GALNT17: variants seen among roughly 807,000 people sequenced by gnomAD.
The protein encoded by GALNT17 is UDP-GalNAc:polypeptide N-acetylgalactosaminyltransferase-like 3.
GALNT17 carries 29 observed loss-of-function variants against 63.7 expected under a neutral mutation model. The observed-to-expected ratio is 0.46, with a 90% confidence interval of 0.34 to 0.62. The LOEUF (loss-of-function observed/expected upper bound fraction) is 0.62, where lower values mean the gene tolerates loss of function less well. GALNT17 is among the 20% of genes least tolerant of loss of function. The pLI, the probability that GALNT17 is intolerant of heterozygous loss-of-function variation, is 0.01. For synonymous variants in GALNT17, 305 were observed against 318.3 expected (o/e 0.96, Z 0.45); for missense variants, 603 against 799.6 (o/e 0.75, Z 2.97).
intron 1 of GALNT17, among the ~76,000 whole-genome samples, chr7:71,228,991 A>G (rs1234561718): frequency 6.6e-6 from 1 of 151,974 alleles, no homozygotes; most frequent in Non-Finnish European, 1.5e-5. Context: ...CTATGCCTGG[A>G]TCATCCAGGG....
At chr7:71,228,616 C>T (rs974442233) in intron 1 of GALNT17, among the ~76,000 whole-genome samples, 4 of 152,152 alleles carry the variant, frequency 2.6e-5, no homozygotes, top group Non-Finnish European at 5.9e-5. Context: ...TCCCAACATT[C>T]CTTGGCTTGT....
intron 1 of GALNT17, among the ~76,000 whole-genome samples, chr7:71,202,772 C>T (rs1040793209): frequency 1.1e-4 from 17 of 152,214 alleles, no homozygotes; most frequent in African/African-American, 3.1e-4. Flanking sequence ...CAAAACCCCA[C>T]GGCCACTGCC....
At chr7:71,314,886 A>G (rs1364499399) in intron 1 of GALNT17, among the ~76,000 whole-genome samples, 3 of 152,148 alleles carry the variant, frequency 2.0e-5, no homozygotes, top group African/African-American at 7.2e-5. Flanking sequence ...TCCAGCATTC[A>G]TTGAGAGCAA....
At chr7:71,661,229 G>C (rs550533591) in intron 6 of GALNT17, among the ~76,000 whole-genome samples, 1 of 152,332 alleles carries the variant, frequency 6.6e-6, no homozygotes, top group East Asian at 1.9e-4. Flanking sequence ...GCCAGTGTCT[G>C]CTGCTGTCGC....
intron 1 of GALNT17, among the ~76,000 whole-genome samples, chr7:71,247,690 C>T (rs1790124202): frequency 1.3e-5 from 2 of 152,234 alleles, no homozygotes; most frequent in South Asian, 4.1e-4. Flanking sequence ...CTCCTGACCT[C>T]AGGTGATCCA....
At chr7:71,598,105 G>A (rs1359053055) in intron 6 of GALNT17, among the ~76,000 whole-genome samples, 2 of 152,044 alleles carry the variant, frequency 1.3e-5, no homozygotes, top group South Asian at 2.1e-4. Flanking sequence ...CACCATGCCC[G>A]GCTAATTTTT....
chr7:71,674,508 G>A (rs925636690), intron 8 of GALNT17, among the ~76,000 whole-genome samples: 1 of 151,920 alleles, frequency 6.6e-6, no homozygotes, highest in Admixed American at 6.6e-5. Flanking sequence ...ACTGCTGTTG[G>A]CTCTAGACAA....
intron 5 of GALNT17, among the ~76,000 whole-genome samples, chr7:71,543,700 GTTTT>G (rs71089956): frequency 1.1e-4 from 16 of 149,152 alleles, no homozygotes; most frequent in Non-Finnish European, 1.8e-4. Flanking sequence ...GTTTCAGCAG[GTTTT>G]TTTTTTTTTT....
intron 1 of GALNT17, among the ~76,000 whole-genome samples, chr7:71,215,310 TTC>T (rs1789457623): frequency 6.6e-6 from 1 of 152,168 alleles, no homozygotes; most frequent in Admixed American, 6.5e-5. Flanking sequence ...GTTGTTTGTT[TTC>T]TGTTTATTGA....
chr7:71,557,053 AT>A lies in GALNT17; in HGVS notation c.963-14214del, dbSNP rs555277982. The stretch of plus-strand genomic sequence containing the variant: ...AGGTGCACACCACCAAACCCAGCTA[AT>A]TTTTTTTTTTTTTTTTTGGGGAGAG... On this transcript the variant is annotated intron_variant, in intron 5 of 10. Transcript: ENST00000333538. Among the ~76,000 whole-genome samples the A allele has an allele frequency of 4.1e-3, 557 of 136,634 alleles. 3 individuals are homozygous for A. The highest frequency in any genetic ancestry group is 9.1e-3 in the African/African-American group (337 of 36,894). 89.6% of individuals were successfully genotyped at this position (136,634 alleles called of 152,430 possible). A position where few individuals can be genotyped will look rare whatever the true frequency, so the allele number is the denominator to read the frequency against.
chr7:71,676,224 C>T (rs1477719312), intron 8 of GALNT17, among the ~76,000 whole-genome samples: 25 of 152,254 alleles, frequency 1.6e-4, no homozygotes, highest in Non-Finnish European at 1.8e-4. Flanking sequence ...CCTAGTTTCA[C>T]GGGTGTTGCT....
chr7:71,184,458 G>C (rs1226324085), intron 1 of GALNT17, among the ~76,000 whole-genome samples: 1 of 152,168 alleles, frequency 6.6e-6, no homozygotes, highest in South Asian at 2.1e-4. Context: ...GAGCCCATCT[G>C]CTGGCTGATG....
chr7:71,298,074 G>A (rs1453330680), intron 1 of GALNT17, among the ~76,000 whole-genome samples: 1 of 152,154 alleles, frequency 6.6e-6, no homozygotes, highest in Non-Finnish European at 1.5e-5. Flanking sequence ...AGGCTGGGGT[G>A]CAGAGGCACA....
At chr7:71,452,093 G>GA in intron 5 of GALNT17, among the ~76,000 whole-genome samples, 1 of 151,968 alleles carries the variant, frequency 6.6e-6, no homozygotes. Context: ...TAAATGACAA[G>GA]AAAAATGATA....
At chr7:71,161,383 C>A (rs946363702) in intron 1 of GALNT17, among the ~76,000 whole-genome samples, 2 of 152,108 alleles carry the variant, frequency 1.3e-5, no homozygotes, top group Non-Finnish European at 2.9e-5. Flanking sequence ...TCCTGTTTAT[C>A]TGTTAAAAAC....
chr7:71,279,649 A>G (rs1790745464), intron 1 of GALNT17, among the ~76,000 whole-genome samples: 1 of 151,772 alleles, frequency 6.6e-6, no homozygotes, highest in Non-Finnish European at 1.5e-5. Context: ...TTGAAGGGAC[A>G]CCATGCAACC....
chr7:71,355,925 A>G (rs1233407842), intron 2 of GALNT17, among the ~76,000 whole-genome samples: 2 of 151,800 alleles, frequency 1.3e-5, no homozygotes, highest in Non-Finnish European at 2.9e-5. Flanking sequence ...AGGCATTCTG[A>G]TTTTCTGTTT....
rs372553798 is a variant in GALNT17 at position 71,610,040 on chromosome 7, A to T, written c.1080+38638A>T. 9.5e-4 allele frequency among the ~76,000 whole-genome samples: 145 copies of T among 152,312 alleles called. No individual in the cohort carries two copies. The South Asian group carries it at 0.013, about 13-fold the overall frequency. Reference sequence around the variant, plus strand: ...TTTTAACTGTGTCCATGAATCAGTCACAAAAATTGATCTACTAAGCTGCAA... The same window carrying T: ...TTTTAACTGTGTCCATGAATCAGTCTCAAAAATTGATCTACTAAGCTGCAA... On this transcript the variant is annotated intron_variant, in intron 6 of 10. Coordinates refer to ENST00000333538, the MANE Select transcript of GALNT17 (RefSeq NM_022479.3).
intron 6 of GALNT17, among the ~76,000 whole-genome samples, chr7:71,644,322 G>T (rs1790644211): frequency 6.6e-6 from 1 of 151,628 alleles, no homozygotes; most frequent in African/African-American, 2.4e-5. Context: ...GGATCACAAG[G>T]TCAGGAGATT....
Sources: allele counts gnomAD v4.1 joint callset (sites outside exome capture counted in the v4.1 genomes callset), GRCh38; gene constraint gnomAD v4.1.1; transcripts MANE v1.5; gene names NCBI Gene and HGNC (gene_info 2026-07-23, HGNC 2026-07-21).